Variants in MRPS31 observed in about 807,000 individuals in gnomAD.
MRPS31 encodes the protein small ribosomal subunit protein mS31.
A neutral mutation model predicts 43.1 loss-of-function variants in MRPS31; 32 were observed. The observed-to-expected ratio is 0.74, with a 90% CI of 0.56 to 1.00. The LOEUF is 1.00. MRPS31 is among the 50% of genes least tolerant of loss of function. The pLI, the probability that MRPS31 is intolerant of heterozygous loss-of-function variation, is 0.00. For synonymous variants in MRPS31, 165 were observed against 161.6 expected (o/e 1.02, Z -0.16); for missense variants, 437 against 466.7 (o/e 0.94, Z 0.59).
At chr13:40,761,719 TA>T (rs1382399502) in intron 2 of MRPS31, among the ~76,000 whole-genome samples, 1 of 152,172 alleles carries the variant, frequency 6.6e-6, no homozygotes, top group Non-Finnish European at 1.5e-5. Flanking sequence ...CTGTACTTTT[TA>T]AATTTCTTTA....
At chr13:40,753,298 C>A (rs919685253) in intron 5 of MRPS31, among the ~76,000 whole-genome samples, 11 of 152,216 alleles carry the variant, frequency 7.2e-5, no homozygotes, top group African/African-American at 2.7e-4. Flanking sequence ...GTCTCCTCTT[C>A]TAAGCTGCCT....
chr13:40,750,962 C>T (rs942345845), intron 5 of MRPS31, among the ~76,000 whole-genome samples: 16 of 152,014 alleles, frequency 1.1e-4, no homozygotes, highest in African/African-American at 3.9e-4. Flanking sequence ...ACCTATCCTC[C>T]AGCTTACCTC....
chr13:40,745,186 T>C (rs955266065), intron 6 of MRPS31, among the ~76,000 whole-genome samples: 1 of 152,158 alleles, frequency 6.6e-6, no homozygotes, highest in African/African-American at 2.4e-5. Context: ...CCTCCTAAAG[T>C]GCTGGGATTA....
intron 5 of MRPS31, among the ~76,000 whole-genome samples, chr13:40,753,351 A>G (rs1446936252): frequency 6.6e-6 from 1 of 152,258 alleles, no homozygotes; most frequent in Admixed American, 6.5e-5. Flanking sequence ...GCATAGAGAT[A>G]CACTGTAAAT....
rs1180661207 is a variant in MRPS31, at chr13:40,755,932, T to C, written c.740+941A>G. Among the ~76,000 whole-genome samples, 51 of 152,360 alleles carry C rather than the reference T, an allele frequency of 3.3e-4. 2 individuals are homozygous for C. The highest frequency in any genetic ancestry group is 2.8e-3 in the Admixed American group (43 of 15,304). The stretch of plus-strand genomic sequence containing the variant: ...AAATATTCTTAAGTAAAACTCCAAG[T>C]ACACCTTCTCCTTTATTCAATAATA... On this transcript the variant is annotated intron_variant, in intron 4 of 6. Coordinates refer to ENST00000323563, the MANE Select transcript of MRPS31 (RefSeq NM_005830.4).
chr13:40,759,371 G>A (rs1390881318), intron 2 of MRPS31, among the ~76,000 whole-genome samples: 1 of 152,124 alleles, frequency 6.6e-6, no homozygotes, highest in Non-Finnish European at 1.5e-5. Context: ...CCAGGAGGTG[G>A]AGGCTGCAGT....
rs771119492 is a variant in MRPS31, at chr13:40,756,887, A to G, written c.726T>C (p.Asp242=). The G allele has an allele frequency of 4.3e-6, 7 of 1,612,980 alleles. No homozygotes were observed. Among genetic ancestry groups the G allele is most frequent in the Non-Finnish European group, 5.9e-6 (7 of 1,179,724 alleles). Residue 242 remains aspartate, a synonymous_variant, in exon 4 of 7, where the codon GAT becomes GAC. Coordinates refer to ENST00000323563, the MANE Select transcript of MRPS31 (RefSeq NM_005830.4). ...YDNYPGQEKT[D]DLKKRKNIFT... ...AAGCCTGATACCTTTTTTTAAGATC[A>G]TCCGTCTTCTCCTGGCCAGGATAAT... is the stretch of plus-strand genomic sequence containing the variant.
At chr13:40,754,771 G>A (rs1220581694) in intron 4 of MRPS31, among the ~76,000 whole-genome samples, 4 of 152,236 alleles carry the variant, frequency 2.6e-5, no homozygotes, top group African/African-American at 4.8e-5. Flanking sequence ...GCTCACGCCT[G>A]TAATCCCAGC....
chr13:40,735,829 G>C (rs1879884297), intron 6 of MRPS31, among the ~76,000 whole-genome samples: 1 of 150,418 alleles, frequency 6.6e-6, no homozygotes, highest in African/African-American at 2.4e-5. Context: ...CAAAGATGGG[G>C]AAAAAACAGA....
rs1229425973 is a variant in MRPS31, at chr13:40,766,932, G to A, written c.254C>T (p.Ser85Leu). Reference protein sequence around the residue: ...VRTEETSKETSESQDSEKENT... With the variant: ...VRTEETSKETLESQDSEKENT... ...TTCCTTTTCACTGTCTTGGCTCTCT[G>A]AAGTCTCCTTGGAAGTCTCCTCAGT... Residue 85 changes from serine (S) to leucine (L), a missense_variant, in exon 2 of 7, where the codon TCA becomes TTA. By Grantham distance (145) the Ser-to-Leu change is moderately radical. Coordinates refer to ENST00000323563, the MANE Select transcript of MRPS31 (RefSeq NM_005830.4). 3.7e-6 allele frequency: 6 copies of A among 1,613,940 alleles called. No homozygotes were observed. Among genetic ancestry groups the A allele is most frequent in the Non-Finnish European group, 5.1e-6 (6 of 1,179,994 alleles).
rs1201470082 is a variant in MRPS31, at chr13:40,766,996, T to C, written c.190A>G (p.Ser64Gly). The change falls in exon 2 of 7, where the codon AGT becomes GGT. Residue 64 changes from serine to glycine, a missense_variant. Transcript: ENST00000323563. ...NNIQRYFGTN[S>G]VICSKKDKQS... is the part of the protein sequence containing the mutation. The stretch of plus-strand genomic sequence containing the variant: ...TTATCTTTCTTGCTACAGATCACAC[T>C]GTTAGTGCCAAAATATCTTTGGATG... The C allele has an allele frequency of 1.2e-6, 2 of 1,608,724 alleles. No homozygotes were observed. Among genetic ancestry groups the C allele is most frequent in the Admixed American group, 1.7e-5 (1 of 58,734 alleles).
chr13:40,735,684 A>G (rs2137993966), intron 6 of MRPS31, among the ~76,000 whole-genome samples: 1 of 152,190 alleles, frequency 6.6e-6, no homozygotes, highest in East Asian at 1.9e-4. Flanking sequence ...GACACCTCAC[A>G]CTGCAGGGTA....
chr13:40,754,083 T>C lies in MRPS31; in HGVS notation c.750A>G (p.Ile250Met), dbSNP rs1473955216. The change falls in exon 5 of 7, where the codon ATA becomes ATG. Residue 250 changes from isoleucine to methionine, a missense_variant. Transcript: ENST00000323563. ...KTDDLKKRKN[I>M]FTGKRLNIFD... ...AAATATTAAGTCTTTTCCCTGTGAA[T>C]ATATTTTTCCTAAGTCCAAAAAAAG... 3 of 1,576,760 alleles carry C rather than the reference T, an allele frequency of 1.9e-6. No individual in the cohort carries two copies. The highest frequency in any genetic ancestry group is 2.6e-6 in the Non-Finnish European group (3 of 1,155,288).
At chr13:40,735,086 CG>C (rs1879844260) in intron 6 of MRPS31, among the ~76,000 whole-genome samples, 1 of 152,142 alleles carries the variant, frequency 6.6e-6, no homozygotes, top group African/African-American at 2.4e-5. Flanking sequence ...GCACCTTGCG[CG>C]AGCCGAAAGA....
intron 2 of MRPS31, among the ~76,000 whole-genome samples, chr13:40,760,211 A>G (rs555225707): frequency 7.6e-6 from 1 of 132,072 alleles, no homozygotes; most frequent in East Asian, 2.9e-4. Flanking sequence ...ATCTGAGGTG[A>G]AAAAAAAATC....
At position 40,766,811 on chromosome 13, in the gene MRPS31, T is replaced by G; in HGVS notation, c.375A>C (p.Pro125=). 1 of 1,614,070 alleles carries G rather than the reference T, an allele frequency of 6.2e-7. No individual in the cohort carries two copies. The highest frequency in any genetic ancestry group is 8.5e-7 in the Non-Finnish European group (1 of 1,180,002). ...VRTTKPPKRR[P]LKSLEATLGR... is the part of the protein sequence containing the mutation. ...CAAGTGTAGCTTCCAAACTTTTAAG[T>G]GGTCTTCTTTTGGGGGGCTTTGTTG... is the stretch of plus-strand genomic sequence containing the variant. The change falls in exon 2 of 7, where the codon CCA becomes CCC. Residue 125 remains proline, a synonymous_variant. Coordinates refer to ENST00000323563, the MANE Select transcript of MRPS31 (RefSeq NM_005830.4).
chr13:40,753,964 T>A (rs1356598587), intron 5 of MRPS31, 55 bp downstream of exon 5: 4 of 1,109,144 alleles, frequency 3.6e-6, no homozygotes, highest in Non-Finnish European at 5.4e-6. Flanking sequence ...ACTAAGGACA[T>A]CCTGGAACGA....
chr13:40,743,303 G>A (rs957631605), intron 6 of MRPS31, among the ~76,000 whole-genome samples: 4 of 144,020 alleles, frequency 2.8e-5, no homozygotes, highest in South Asian at 2.5e-4. Flanking sequence ...CAACAAGAGC[G>A]AAAACTCTGT....
chr13:40,735,229 C>T (rs1472659705), intron 6 of MRPS31, among the ~76,000 whole-genome samples: 2 of 152,224 alleles, frequency 1.3e-5, no homozygotes, highest in Non-Finnish European at 2.9e-5. Flanking sequence ...TTCCAACGGG[C>T]TTAAAAAACG....
Sources: allele counts gnomAD v4.1 joint callset (sites outside exome capture counted in the v4.1 genomes callset), GRCh38; gene constraint gnomAD v4.1.1; transcripts MANE v1.5; gene names NCBI Gene and HGNC (gene_info 2026-07-23, HGNC 2026-07-21).